DHRS7B: variants seen among roughly 807,000 people sequenced by gnomAD.
The protein encoded by DHRS7B is peroxisomal reductase activating PPAR-gamma.
In DHRS7B, 24 loss-of-function variants were observed where a neutral mutation model predicts 26.4. The ratio of observed to expected loss-of-function variants is 0.91; its 90% confidence interval spans 0.66 to 1.28. The LOEUF is 1.28. DHRS7B is among the 50% of genes most tolerant of loss of function. The pLI is 0.00. For missense variants in DHRS7B, 368 were observed against 419.4 expected (o/e 0.88, Z 1.07); for synonymous variants, 142 against 166.4 (o/e 0.85, Z 1.13).
intron 1 of DHRS7B, among the ~76,000 whole-genome samples, chr17:21,132,547 A>AC (rs1376647887): frequency 1.4e-5 from 2 of 145,636 alleles, no homozygotes; most frequent in East Asian, 1.9e-4. Context: ...AAAAAAAAAA[A>AC]AACAAAAAAA....
intron 1 of DHRS7B, among the ~76,000 whole-genome samples, chr17:21,150,931 G>T (rs1269194699): frequency 6.6e-6 from 1 of 152,114 alleles, no homozygotes; most frequent in Non-Finnish European, 1.5e-5. Flanking sequence ...TTAGAATGTG[G>T]ACATCTTTGA....
At chr17:21,190,339 C>G (rs1974748163) in intron 6 of DHRS7B, among the ~76,000 whole-genome samples, 1 of 152,126 alleles carries the variant, frequency 6.6e-6, no homozygotes, top group African/African-American at 2.4e-5. Context: ...CTTCTAACAC[C>G]TAAAACAAAC....
At chr17:21,172,322 G>A (rs568295247) in intron 2 of DHRS7B, 126 bp downstream of exon 2, 1 of 1,204,700 alleles carries the variant, frequency 8.3e-7, no homozygotes, top group South Asian at 1.3e-5. Flanking sequence ...GATAAGGGAA[G>A]TGGGCCGGAT....
intron 1 of DHRS7B, among the ~76,000 whole-genome samples, chr17:21,140,479 TACACACACACACACACACACACACAC>T (rs4020775): frequency 1.7e-4 from 14 of 83,688 alleles, no homozygotes; most frequent in East Asian, 3.7e-4. Context: ...GCCTTTTAAA[TACACACACACACACACACACACACAC>T]ACACACACAC....
At chr17:21,159,334 G>A (rs113796679) in intron 1 of DHRS7B, among the ~76,000 whole-genome samples, 5,813 of 149,908 alleles carry the variant, frequency 0.039, 152 homozygotes, top group Non-Finnish European at 0.061. Flanking sequence ...TGCAACCTCC[G>A]CCTCCCGGGT....
chr17:21,132,601 C>G (rs1973264335), intron 1 of DHRS7B, among the ~76,000 whole-genome samples: 1 of 151,114 alleles, frequency 6.6e-6, no homozygotes, highest in Non-Finnish European at 1.5e-5. Context: ...TGGTTGCAGC[C>G]TAGTGTTTGC....
chr17:21,128,020 A>T (rs1006235138), intron 1 of DHRS7B: 1 of 152,142 alleles, frequency 6.6e-6, no homozygotes, highest in Non-Finnish European at 1.5e-5. Flanking sequence ...TAATCCCTTT[A>T]CTGAATTATT....
intron 1 of DHRS7B, chr17:21,166,155 T>C (rs550857443): frequency 1.7e-5 from 17 of 985,352 alleles, no homozygotes; most frequent in Non-Finnish European, 1.9e-5. Context: ...CCGGGAAGCA[T>C]GTGCTTGGCA....
chr17:21,153,430 TAATTGG>T (rs1973814517), intron 1 of DHRS7B, among the ~76,000 whole-genome samples: 1 of 152,018 alleles, frequency 6.6e-6, no homozygotes, highest in South Asian at 2.1e-4. Context: ...AACATACACA[TAATTGG>T]AATGCCAGAA....
chr17:21,160,218 A>G (rs1481189580), intron 1 of DHRS7B, among the ~76,000 whole-genome samples: 1 of 152,040 alleles, frequency 6.6e-6, no homozygotes, highest in Non-Finnish European at 1.5e-5. Flanking sequence ...TTAGCCGGGC[A>G]TGGTGGTGTG....
At chr17:21,146,630 C>G (rs1973650297) in intron 1 of DHRS7B, among the ~76,000 whole-genome samples, 1 of 152,140 alleles carries the variant, frequency 6.6e-6, no homozygotes, top group Non-Finnish European at 1.5e-5. Flanking sequence ...TCATTCACAC[C>G]TCAAATTTAT....
At chr17:21,138,101 TACACACAC>T (rs370861401) in intron 1 of DHRS7B, among the ~76,000 whole-genome samples, 1 of 86,146 alleles carries the variant, frequency 1.2e-5, no homozygotes, top group Non-Finnish European at 2.0e-5. Flanking sequence ...TATATATATA[TACACACAC>T]ACACACACAC....
intron 1 of DHRS7B, among the ~76,000 whole-genome samples, chr17:21,136,955 A>AT (rs1417343327): frequency 2.0e-5 from 3 of 151,252 alleles, no homozygotes; most frequent in African/African-American, 7.3e-5. Flanking sequence ...GGCTTTTAAA[A>AT]TTTTTTTTAT....
At chr17:21,127,588 T>G (rs981556668) in intron 1 of DHRS7B, 1 of 152,512 alleles carries the variant, frequency 6.6e-6, no homozygotes, top group African/African-American at 2.4e-5. Context: ...TTTTAAACTC[T>G]GAGTGTTTCT....
chr17:21,161,574 G>A (rs1974000786), intron 1 of DHRS7B, among the ~76,000 whole-genome samples: 1 of 152,162 alleles, frequency 6.6e-6, no homozygotes, highest in Non-Finnish European at 1.5e-5. Context: ...AAAAGGAAAT[G>A]ACTCCAGACA....
At chr17:21,183,176 T>A (rs1974551486) in intron 3 of DHRS7B, among the ~76,000 whole-genome samples, 1 of 152,166 alleles carries the variant, frequency 6.6e-6, no homozygotes, top group Admixed American at 6.5e-5. Context: ...TGGCAAATAA[T>A]TGTTCATAGT....
At chr17:21,182,170 C>T (rs1192640827) in intron 3 of DHRS7B, among the ~76,000 whole-genome samples, 1 of 152,158 alleles carries the variant, frequency 6.6e-6, no homozygotes, top group African/African-American at 2.4e-5. Flanking sequence ...GATCTCTTTT[C>T]TGCATCAATT....
At chr17:21,172,259 C>A (rs2144131613) in intron 2 of DHRS7B, 63 bp downstream of exon 2, 1 of 1,546,264 alleles carries the variant, frequency 6.5e-7, no homozygotes, top group Middle Eastern at 2.1e-4. Context: ...GAGGAGCGGC[C>A]CAGCTGCACA....
At chr17:21,132,040 T>C (rs1484542340) in intron 1 of DHRS7B, among the ~76,000 whole-genome samples, 1 of 152,220 alleles carries the variant, frequency 6.6e-6, no homozygotes, top group African/African-American at 2.4e-5. Context: ...TCTGTTTGAG[T>C]TGTTAAAACT....
Sources: gnomAD v4.1 joint callset for allele counts (sites outside exome capture counted in the v4.1 genomes callset) on GRCh38, gnomAD v4.1.1 for gene constraint, MANE v1.5 for transcripts, NCBI Gene and HGNC (gene_info 2026-07-23, HGNC 2026-07-21) for gene names.